Variants in IQCH observed in about 807,000 individuals in gnomAD.
IQCH encodes IQ motif containing H.
Under a neutral mutation model 117.0 loss-of-function variants are expected in IQCH, and 98 were observed. That is an observed-to-expected ratio of 0.84 (90% CI 0.71 to 0.99). The LOEUF is 0.99. IQCH is among the 50% of genes least tolerant of loss of function. The pLI is 0.00. For synonymous variants in IQCH, 412 were observed against 448.2 expected, an observed-to-expected ratio of 0.92 and a Z score of 1.02; for missense variants, 1,102 against 1,243.8, an observed-to-expected ratio of 0.89 and a Z score of 1.72.
intron 4 of IQCH, among the ~76,000 whole-genome samples, chr15:67,296,880 G>T (rs1473041080): frequency 1.3e-5 from 2 of 152,166 alleles, no homozygotes; most frequent in African/African-American, 4.8e-5. Context: ...ACTCAAATCA[G>T]TTGACTGTGA....
intron 18 of IQCH, among the ~76,000 whole-genome samples, chr15:67,483,574 A>G (rs1240934423): frequency 6.6e-6 from 1 of 152,196 alleles, no homozygotes; most frequent in Admixed American, 6.5e-5. Context: ...ATATTCCCCC[A>G]AGTTTTAAAG....
At chr15:67,348,889 G>GT (rs1969526302) in intron 6 of IQCH, among the ~76,000 whole-genome samples, 1 of 152,174 alleles carries the variant, frequency 6.6e-6, no homozygotes, top group Admixed American at 6.5e-5. Flanking sequence ...GGACCGTGTG[G>GT]TATTGGCAAA....
chr15:67,352,364 G>A (rs987214693), intron 6 of IQCH, among the ~76,000 whole-genome samples: 1 of 151,674 alleles, frequency 6.6e-6, no homozygotes, highest in African/African-American at 2.4e-5. Flanking sequence ...ATCAGAATTT[G>A]TTATATTAGC....
chr15:67,498,741 T>C (rs1395161533), intron 20 of IQCH, among the ~76,000 whole-genome samples: 8 of 152,172 alleles, frequency 5.3e-5, no homozygotes, highest in Non-Finnish European at 8.8e-5. Context: ...TTCTTAGACA[T>C]GGTGCCTAAA....
At chr15:67,311,695 A>G (rs1967604215) in intron 4 of IQCH, among the ~76,000 whole-genome samples, 1 of 151,870 alleles carries the variant, frequency 6.6e-6, no homozygotes, top group Non-Finnish European at 1.5e-5. Flanking sequence ...ATACACAATT[A>G]TACTAAATTC....
At chr15:67,438,552 A>C (rs1456099049) in intron 16 of IQCH, among the ~76,000 whole-genome samples, 1 of 152,240 alleles carries the variant, frequency 6.6e-6, no homozygotes, top group African/African-American at 2.4e-5. Context: ...ATGAAACAGT[A>C]CCTCATATTT....
In IQCH at chr15:67,424,035, C is replaced by T. The variant is rs1443490830; in HGVS notation, c.2505+2458C>T. 6.6e-6 allele frequency among the ~76,000 whole-genome samples: 1 copy of T among 152,098 alleles called. No individual in the cohort carries two copies. Among genetic ancestry groups the T allele is most frequent in the East Asian group, 1.9e-4 (1 of 5,192 alleles). ...CAGTCAAAAGGATCTTCTCCAAACA[C>T]GATGCCAGTCCTTCCTTGGGCTTAC... On this transcript the variant is annotated intron_variant, in intron 16 of 20. Transcript: ENST00000335894. The surrounding 1 kb of genome is among the most constrained non-coding windows in gnomAD (Gnocchi z 4.9).
In IQCH at chr15:67,388,869, A is replaced by G. The variant is rs1401567415; in HGVS notation, c.1495A>G (p.Met499Val). The G allele has an allele frequency of 1.9e-6, 3 of 1,613,736 alleles. No homozygotes were observed. The highest frequency in any genetic ancestry group is 1.7e-6 in the Non-Finnish European group (2 of 1,179,832). ...TGTCATCTACATCTGCTCCCATCAT[A>G]TGAATGACGAGTTAGTGCTGTATTA... ...VNVIYICSHH[M>V]NDELVLYYKK... Residue 499 changes from methionine (M) to valine (V), a missense_variant, in exon 12 of 21, where the codon ATG becomes GTG. By Grantham distance (21) the Met-to-Val change is conservative. Coordinates refer to ENST00000335894, the MANE Select transcript of IQCH (RefSeq NM_001031715.3). This position sits in a 1 kb window ranked among gnomAD's most constrained non-coding sequence, Gnocchi z 5.5.
At chr15:67,478,561 A>G (rs1423440288) in intron 18 of IQCH, among the ~76,000 whole-genome samples, 1 of 152,152 alleles carries the variant, frequency 6.6e-6, no homozygotes, top group Non-Finnish European at 1.5e-5. Context: ...AAAAGATAAG[A>G]GAAGAGAGAG....
At chr15:67,333,154 G>A (rs556152448) in intron 4 of IQCH, among the ~76,000 whole-genome samples, 3 of 152,180 alleles carry the variant, frequency 2.0e-5, no homozygotes, top group East Asian at 3.9e-4. Flanking sequence ...CCTTCCAAAG[G>A]CCCCATCTCT....
intron 16 of IQCH, among the ~76,000 whole-genome samples, chr15:67,434,416 CT>C (rs2082085204): frequency 6.6e-6 from 1 of 152,108 alleles, no homozygotes; most frequent in Non-Finnish European, 1.5e-5. Flanking sequence ...GAATTTCCTT[CT>C]TTTTTAAGGC....
chr15:67,306,590 A>G (rs552566219), intron 4 of IQCH, among the ~76,000 whole-genome samples: 3 of 152,066 alleles, frequency 2.0e-5, no homozygotes, highest in Non-Finnish European at 4.4e-5. Flanking sequence ...GAAGTGGTGT[A>G]TTCCTCCTGA....
At position 67,445,146 on chromosome 15, in the gene IQCH, C is replaced by A. The variant is rs1406088143; in HGVS notation, c.2506-19981C>A. Among the ~76,000 whole-genome samples the A allele has an allele frequency of 6.6e-6, 1 of 152,042 alleles. No individual in the cohort carries two copies. Among genetic ancestry groups the A allele is most frequent in the Non-Finnish European group, 1.5e-5 (1 of 68,022 alleles). Reference sequence around the variant, plus strand: ...TTTTTCAGTAAAACAAAAACTTAAACACGTCGTTGAACATCTGTTACTAGT... The same window carrying A: ...TTTTTCAGTAAAACAAAAACTTAAAAACGTCGTTGAACATCTGTTACTAGT... On this transcript the variant is annotated intron_variant, in intron 16 of 20. Transcript: ENST00000335894. The surrounding 1 kb of genome is among the most constrained non-coding windows in gnomAD (Gnocchi z 4.3).
chr15:67,297,328 A>G (rs1026670345), intron 4 of IQCH, among the ~76,000 whole-genome samples: 7 of 152,174 alleles, frequency 4.6e-5, no homozygotes, highest in African/African-American at 1.4e-4. Flanking sequence ...TTTAGCAGTT[A>G]ACATAATTTT....
chr15:67,395,297 C>T lies in IQCH; in HGVS notation c.1639C>T (p.His547Tyr), dbSNP rs1971425338. ...TAATATGATCTTCCCCCAGAAGCAT[C>T]ATATGTGCCTGGCCACTCACCTGAT... ...PEAVNIFPKH[H>Y]MCLATHLMYS... Residue 547 changes from histidine (H) to tyrosine (Y), a missense_variant, in exon 13 of 21, where the codon CAT becomes TAT. By Grantham distance (83) the His-to-Tyr change is moderately conservative. This residue lies in a region of IQCH where 650 missense variants were observed against 794.3 expected (regional missense o/e 0.82). Transcript: ENST00000335894. The surrounding 1 kb of genome is among the most constrained non-coding windows in gnomAD (Gnocchi z 4.0). 1.2e-6 allele frequency: 2 copies of T among 1,611,254 alleles called. No individual in the cohort carries two copies. The highest frequency in any genetic ancestry group is 1.3e-5 in the African/African-American group (1 of 74,830).
rs1487907012 is a variant in IQCH at position 67,411,333 on chromosome 15, A to G, written c.2098-5598A>G. ...CTGCGGCCTCCCAGTGTGACTGGAG[A>G]AGCCCTCGTTCCCTCTTTTGTGACA... On this transcript the variant is annotated intron_variant, in intron 14 of 20. Coordinates refer to ENST00000335894, the MANE Select transcript of IQCH (RefSeq NM_001031715.3). The surrounding 1 kb of genome is among the most constrained non-coding windows in gnomAD (Gnocchi z 4.4). Among the ~76,000 whole-genome samples, 2 of 152,172 alleles carry G rather than the reference A, an allele frequency of 1.3e-5. No homozygotes were observed. The highest frequency in any genetic ancestry group is 2.4e-5 in the African/African-American group (1 of 41,428).
rs1448059518 is a variant in IQCH, at chr15:67,416,091, A to G, written c.2098-840A>G. 2.6e-5 allele frequency among the ~76,000 whole-genome samples: 4 copies of G among 152,146 alleles called. No individual in the cohort carries two copies. The highest frequency in any genetic ancestry group is 9.7e-5 in the African/African-American group (4 of 41,438). ...AAATTTTTTTTAAAAATTAAAAAATATATGGAGGTGTCCAGGTGCGGTGGC... is the reference window on the plus strand; with the variant it reads ...AAATTTTTTTTAAAAATTAAAAAATGTATGGAGGTGTCCAGGTGCGGTGGC... On this transcript the variant is annotated intron_variant, in intron 14 of 20. Transcript: ENST00000335894. The surrounding 1 kb of genome is among the most constrained non-coding windows in gnomAD (Gnocchi z 5.1).
intron 4 of IQCH, among the ~76,000 whole-genome samples, chr15:67,306,035 C>A (rs1967277496): frequency 6.6e-6 from 1 of 151,930 alleles, no homozygotes; most frequent in Non-Finnish European, 1.5e-5. Flanking sequence ...AAATCTACAC[C>A]AGAGCAATTT....
intron 18 of IQCH, among the ~76,000 whole-genome samples, chr15:67,488,715 A>G (rs545924273): frequency 1.3e-5 from 2 of 152,296 alleles, no homozygotes; most frequent in East Asian, 3.9e-4. Flanking sequence ...TCAGATCATC[A>G]GGCATCAGTT....
Sources: gnomAD v4.1 joint callset for allele counts (sites outside exome capture counted in the v4.1 genomes callset) on GRCh38, gnomAD v4.1.1 for gene constraint, gnomAD v4.1.1 regional missense constraint, Gnocchi (gnomAD v3.1) non-coding constraint, MANE v1.5 for transcripts, NCBI Gene and HGNC (gene_info 2026-07-23, HGNC 2026-07-21) for gene names.